MAD1L1: variants seen among roughly 807,000 people sequenced by gnomAD.
MAD1L1 encodes the protein mitotic arrest deficient 1 like 1, also known as mitotic spindle assembly checkpoint protein MAD1.
A neutral mutation model predicts 96.9 loss-of-function variants in MAD1L1; 95 were observed. That is an observed-to-expected ratio of 0.98 (90% CI 0.83 to 1.16). The LOEUF (loss-of-function observed/expected upper bound fraction) is 1.16. Ranked by LOEUF, MAD1L1 falls within the 50% of genes most tolerant of loss-of-function variation. The pLI is 0.00. For synonymous variants in MAD1L1, 473 were observed against 396.6 expected (o/e 1.19, Z -2.29); for missense variants, 1,007 against 954.4 (o/e 1.06, Z -0.73).
intron 17 of MAD1L1, among the ~76,000 whole-genome samples, chr7:1,914,595 G>A (rs1047679245): frequency 6.6e-5 from 10 of 152,136 alleles, no homozygotes; most frequent in African/African-American, 2.2e-4. Flanking sequence ...TCCAGAACCC[G>A]AGATCACATC....
chr7:2,034,417 G>A (rs1044970205), intron 12 of MAD1L1, among the ~76,000 whole-genome samples: 33 of 152,114 alleles, frequency 2.2e-4, no homozygotes, highest in African/African-American at 6.5e-4. Flanking sequence ...GGGTTTCACC[G>A]TGTTGCCCAG....
intron 11 of MAD1L1, among the ~76,000 whole-genome samples, chr7:2,120,390 C>A (rs548684097): frequency 6.6e-6 from 1 of 152,270 alleles, no homozygotes; most frequent in South Asian, 2.1e-4. Flanking sequence ...CCAGCACCAC[C>A]TTCTGAGAAA....
intron 3 of MAD1L1, 137 bp downstream of exon 3, chr7:2,229,847 G>A: frequency 1.0e-6 from 1 of 958,128 alleles, no homozygotes; most frequent in African/African-American, 1.6e-5. Context: ...AGTGCCCATA[G>A]TGAGACCTGG....
At chr7:1,917,002 CAGCATCT>C (rs201820582) in intron 17 of MAD1L1, among the ~76,000 whole-genome samples, 2,178 of 152,302 alleles carry the variant, frequency 0.014, 58 homozygotes, top group African/African-American at 0.049. Flanking sequence ...CCAGTCATCA[CAGCATCT>C]TGTGACAGGA....
intron 10 of MAD1L1, among the ~76,000 whole-genome samples, chr7:2,182,650 T>C (rs1791255958): frequency 6.6e-6 from 1 of 152,164 alleles, no homozygotes; most frequent in Non-Finnish European, 1.5e-5. Flanking sequence ...GGAGCGCTGA[T>C]CCGTGCCACA....
At chr7:2,162,662 G>A (rs62443035) in intron 10 of MAD1L1, among the ~76,000 whole-genome samples, 31,486 of 104,650 alleles carry the variant, frequency 0.3, 3,671 homozygotes, top group Middle Eastern at 0.49. Flanking sequence ...ATTAAAAGAG[G>A]AAAACACAAA....
chr7:2,181,095 G>A (rs778156999), intron 10 of MAD1L1, among the ~76,000 whole-genome samples: 9 of 152,178 alleles, frequency 5.9e-5, no homozygotes, highest in African/African-American at 1.2e-4. Context: ...TTTCATTTCA[G>A]TTGCTGTACT....
At chr7:1,914,482 G>A (rs1788246014) in intron 17 of MAD1L1, among the ~76,000 whole-genome samples, 1 of 152,232 alleles carries the variant, frequency 6.6e-6, no homozygotes, top group Non-Finnish European at 1.5e-5. Context: ...GCACGTGGGT[G>A]CTTCTGGGAG....
chr7:1,903,777 C>G (rs1211331589), intron 17 of MAD1L1, among the ~76,000 whole-genome samples: 1 of 144,228 alleles, frequency 6.9e-6, no homozygotes, highest in Non-Finnish European at 1.5e-5. Context: ...ATTGATGAAG[C>G]ACTGTTCCAG....
intron 14 of MAD1L1, among the ~76,000 whole-genome samples, chr7:1,982,369 C>T (rs1780944412): frequency 6.6e-6 from 1 of 152,094 alleles, no homozygotes; most frequent in East Asian, 1.9e-4. Flanking sequence ...CCATCAAGCC[C>T]AGCTAATTTT....
At chr7:1,967,879 G>A (rs1393595636) in intron 15 of MAD1L1, among the ~76,000 whole-genome samples, 1 of 148,288 alleles carries the variant, frequency 6.7e-6, no homozygotes, top group Non-Finnish European at 1.5e-5. Flanking sequence ...TCCGGTGCGT[G>A]CACCAGATCA....
intron 11 of MAD1L1, among the ~76,000 whole-genome samples, chr7:2,124,878 C>T (rs919985604): frequency 6.6e-6 from 1 of 152,194 alleles, no homozygotes; most frequent in African/African-American, 2.4e-5. Context: ...GCCAGTGATG[C>T]CAGCGGGCCT....
chr7:1,880,370 C>T (rs1785615826), intron 18 of MAD1L1, among the ~76,000 whole-genome samples: 1 of 152,102 alleles, frequency 6.6e-6, no homozygotes. Context: ...TGAGGCTGTC[C>T]TGGTTAGAGG....
intron 18 of MAD1L1, among the ~76,000 whole-genome samples, chr7:1,842,041 G>A (rs1783293724): frequency 6.6e-6 from 1 of 152,214 alleles, no homozygotes; most frequent in Non-Finnish European, 1.5e-5. Context: ...GCTGCAAATT[G>A]CCTTGTTTTT....
chr7:1,953,927 C>G (rs1288895347), intron 16 of MAD1L1, among the ~76,000 whole-genome samples: 2 of 152,194 alleles, frequency 1.3e-5, no homozygotes, highest in African/African-American at 4.8e-5. Flanking sequence ...TGGGGATGCG[C>G]CCGCCCAGCC....
chr7:2,226,477 T>C (rs1480691912), intron 3 of MAD1L1, among the ~76,000 whole-genome samples: 2 of 152,004 alleles, frequency 1.3e-5, no homozygotes, highest in Admixed American at 1.3e-4. Context: ...GAAGTCTGCC[T>C]ACCACACAGG....
intron 17 of MAD1L1, among the ~76,000 whole-genome samples, chr7:1,902,889 G>C (rs1787341352): frequency 6.6e-6 from 1 of 150,944 alleles, no homozygotes; most frequent in South Asian, 2.1e-4. Context: ...CACTGTTCCA[G>C]GCAGCGAGGA....
chr7:2,041,339 C>A (rs1783663396), intron 12 of MAD1L1, among the ~76,000 whole-genome samples: 1 of 152,156 alleles, frequency 6.6e-6, no homozygotes, highest in Non-Finnish European at 1.5e-5. Context: ...GGAACGTAAT[C>A]ATCAGGAAAA....
chr7:2,063,018 A>C (rs1390958793), intron 12 of MAD1L1, among the ~76,000 whole-genome samples: 1 of 152,236 alleles, frequency 6.6e-6, no homozygotes, highest in East Asian at 1.9e-4. Context: ...TTAAAGATAT[A>C]CACACAATTA....
Sources: gnomAD v4.1 joint callset for allele counts (sites outside exome capture counted in the v4.1 genomes callset) on GRCh38, gnomAD v4.1.1 for gene constraint, MANE v1.5 for transcripts, NCBI Gene and HGNC (gene_info 2026-07-23, HGNC 2026-07-21) for gene names.